The following KRT83 variants were observed in gnomAD, a reference collection of about 807,000 sequenced individuals.
The protein encoded by KRT83 is keratin 83, also known as keratin, type II cuticular Hb3.
In KRT83, 51 loss-of-function variants were observed where a neutral mutation model predicts 52.9. That is an observed-to-expected ratio of 0.96 (90% CI 0.77 to 1.22). The LOEUF is 1.22. Ranked by LOEUF, KRT83 falls within the 50% of genes most tolerant of loss-of-function variation. The probability of loss-of-function intolerance (pLI) is 0.00; values close to 1 mark genes in which losing one functional copy is unlikely to be tolerated. For missense variants in KRT83, 654 were observed against 666.5 expected (o/e 0.98, Z 0.21); for synonymous variants, 278 against 274.1 (o/e 1.01, Z -0.14).
At chr12:52,314,994 G>T (rs1181168460) in intron 8 of KRT83, among the ~76,000 whole-genome samples, 176 bp from the exon 9 acceptor site, 2 of 152,176 alleles carry the variant, frequency 1.3e-5, no homozygotes, top group East Asian at 3.9e-4. Flanking sequence ...TCTGGTCCTG[G>T]TTCTGCTTTG....
At position 52,321,037 on chromosome 12, in the gene KRT83, A is replaced by G. The variant is rs1236934866; in HGVS notation, c.299T>C (p.Ile100Thr). ...CTTCACGCACTGCGCGTTGGGGTCT[A>G]TCTCCAGGTTGAGGGGCGTGAGGAG... Reference protein sequence around the residue: ...ESLLTPLNLEIDPNAQCVKQE... With the variant: ...ESLLTPLNLETDPNAQCVKQE... Residue 100 changes from isoleucine (I) to threonine (T), a missense_variant, in exon 1 of 9, where the codon ATA becomes ACA. Transcript: ENST00000293670. The G allele has an allele frequency of 1.3e-5, 21 of 1,612,814 alleles. No individual in the cohort carries two copies. Among genetic ancestry groups the G allele is most frequent in the Non-Finnish European group, 5.1e-6 (6 of 1,179,868 alleles).
At position 52,319,363 on chromosome 12, in the gene KRT83, AC is replaced by A; in HGVS notation, c.385del (p.Val129CysfsTer75). The part of the protein sequence containing the change: ...NSRFAAFIDK[V>X]RFLEQQNKLL... ...CTTGTTCTGCTGCTCCAGGAAGCGC[AC>A]CTGCCACCCAGAGGCAGAGCCTAAG... On this transcript the variant is annotated frameshift_variant and splice_region_variant, in exon 2 of 9. Transcript: ENST00000293670. LOFTEE classifies it high-confidence loss of function. 6.2e-7 allele frequency: 1 copy of A among 1,614,010 alleles called. No homozygotes were observed. The highest frequency in any genetic ancestry group is 8.5e-7 in the Non-Finnish European group (1 of 1,179,896).
chr12:52,314,597 C>T lies in KRT83; in HGVS notation c.*34G>A. On this transcript the variant is annotated 3_prime_UTR_variant, in exon 9 of 9. Transcript: ENST00000293670. The stretch of plus-strand genomic sequence containing the variant: ...GTGGGGCAGTGGCACGTCTGGCAGG[C>T]AGAAGGGGCTCCCCTGGCTCTCTTT... 6.5e-7 allele frequency: 1 copy of T among 1,544,772 alleles called. No individual in the cohort carries two copies. The highest frequency in any genetic ancestry group is 8.8e-7 in the Non-Finnish European group (1 of 1,141,848).
Position 52,319,196 on chromosome 12 carries a change from G to A in KRT83, c.553C>T (p.Leu185Phe). Residue 185 changes from leucine to phenylalanine, a missense_variant, in exon 2 of 9, where the codon CTC becomes TTC. By Grantham distance (22) the Leu-to-Phe change is conservative (BLOSUM62 0). Coordinates refer to ENST00000293670, the MANE Select transcript of KRT83 (RefSeq NM_002282.3). ...EADSGRLASE[L>F]NHVQEVLEGY... ...TCCAGCACCTCCTGCACGTGGTTGAGCTCTGAGGCCAGCCTCCCACTGTCA... is the reference window on the plus strand; with the variant it reads ...TCCAGCACCTCCTGCACGTGGTTGAACTCTGAGGCCAGCCTCCCACTGTCA... 1 of 1,613,598 alleles carries A rather than the reference G, an allele frequency of 6.2e-7. No individual in the cohort carries two copies. Among genetic ancestry groups the A allele is most frequent in the African/African-American group, 1.3e-5 (1 of 75,032 alleles).
Position 52,315,393 on chromosome 12 carries a change from G to T in KRT83, c.1263-50C>A, listed in dbSNP as rs760786648. ...GGGAAGATAAAAGAAGTCAGAATGA[G>T]GTCATCGAATTTCCGCTAGGTGCTG... On this transcript the variant is annotated intron_variant, in intron 7 of 8. Transcript: ENST00000293670. 3.4e-5 allele frequency: 54 copies of T among 1,589,396 alleles called. 2 individuals carry two copies. The Middle Eastern group carries it at 5.0e-4, about 15-fold the overall frequency.
chr12:52,317,585 A>T, intron 4 of KRT83, 96 bp downstream of exon 4: 1 of 1,366,758 alleles, frequency 7.3e-7, no homozygotes, highest in Non-Finnish European at 1.0e-6. Flanking sequence ...CTGGGTTCAT[A>T]TGTCAGCAGG....
Position 52,321,156 on chromosome 12 carries a change from G to C in KRT83, c.180C>G (p.Arg60=), listed in dbSNP as rs747770852. ...CGAAGCTGCGTCCGCAGGAGCCGGC[G>C]CGGAAGCCCCCGCACACGCTGTGGC... ...FGSHSVCGGF[R]AGSCGRSFGY... Residue 60 remains arginine (R), a synonymous_variant, in exon 1 of 9, where the codon CGC becomes CGG. Transcript: ENST00000293670. 3.1e-6 allele frequency: 5 copies of C among 1,612,272 alleles called. No homozygotes were observed. In the African/African-American group the frequency reaches 4.0e-5, roughly 13 times the overall value.
chr12:52,318,067 G>T, intron 2 of KRT83, 97 bp from the exon 3 acceptor site: 2 of 1,120,942 alleles, frequency 1.8e-6, no homozygotes, highest in Non-Finnish European at 2.7e-6. Flanking sequence ...ACCTCCCCCT[G>T]CTTGTCTCCT....
At chr12:52,318,721 T>C (rs1010405161) in intron 2 of KRT83, among the ~76,000 whole-genome samples, 1 of 152,224 alleles carries the variant, frequency 6.6e-6, no homozygotes, top group Admixed American at 6.5e-5. Context: ...GGCTCTGTCA[T>C]GACTGCCTTC....
chr12:52,319,086 A>C (rs1592448121), intron 2 of KRT83, 70 bp downstream of exon 2: 4 of 1,607,086 alleles, frequency 2.5e-6, no homozygotes, highest in Non-Finnish European at 3.4e-6. Flanking sequence ...CAGACTGGAT[A>C]CTCCTCCGGG....
At chr12:52,316,720 C>T in intron 5 of KRT83, 127 bp from the exon 6 acceptor site, 2 of 1,591,042 alleles carry the variant, frequency 1.3e-6, no homozygotes, top group Non-Finnish European at 1.7e-6. Flanking sequence ...CCTGCCCTGC[C>T]ACCCCAACAT....
In KRT83 at chr12:52,314,378, C is replaced by G; in HGVS notation, c.*253G>C. The G allele has an allele frequency of 1.7e-6, 1 of 573,646 alleles. No individual in the cohort carries two copies. Among genetic ancestry groups the G allele is most frequent in the Non-Finnish European group, 3.1e-6 (1 of 318,104 alleles). 35.5% of individuals were successfully genotyped at this position (573,646 alleles called of 1,614,324 possible). A position where few individuals can be genotyped will look rare whatever the true frequency, so the allele number is the denominator to read the frequency against. On this transcript the variant is annotated 3_prime_UTR_variant, in exon 9 of 9. Transcript: ENST00000293670. ...GGGAACAGTCTCACAGTGCTTCTTC[C>G]AGGGAAGCAAGGCCCTTCTCCCCGG...
chr12:52,314,876 C>T (rs1938663354), intron 8 of KRT83, 58 bp from the exon 9 acceptor site: 2 of 1,493,650 alleles, frequency 1.3e-6, no homozygotes, highest in South Asian at 2.4e-5. Context: ...CATCCAGCCA[C>T]CTTCCTTTGG....
chr12:52,321,392 G>C lies in KRT83; in HGVS notation c.-57C>G. Reference sequence around the variant, plus strand: ...GTAGATGGCAGAGGATGGAACCAAGGGCCTGTGCTCCCTGGCTGATGGCAG... The same window carrying C: ...GTAGATGGCAGAGGATGGAACCAAGCGCCTGTGCTCCCTGGCTGATGGCAG... On this transcript the variant is annotated 5_prime_UTR_variant, in exon 1 of 9. Transcript: ENST00000293670. 2 of 1,610,340 alleles carry C rather than the reference G, an allele frequency of 1.2e-6. No homozygotes were observed. Among genetic ancestry groups the C allele is most frequent in the Non-Finnish European group, 1.7e-6 (2 of 1,177,238 alleles).
At chr12:52,315,583 G>A (rs1033646087) in intron 7 of KRT83, among the ~76,000 whole-genome samples, 2 of 152,182 alleles carry the variant, frequency 1.3e-5, no homozygotes, top group African/African-American at 2.4e-5. Flanking sequence ...ATTTGCCTTT[G>A]TGCAGTGAAC....
At chr12:52,316,638 CAT>C in intron 5 of KRT83, 45 bp from the exon 6 acceptor site, 1 of 1,614,094 alleles carries the variant, frequency 6.2e-7, no homozygotes, top group South Asian at 1.1e-5. Context: ...TGAGACATCC[CAT>C]TCATTCAGGA....
intron 1 of KRT83, among the ~76,000 whole-genome samples, chr12:52,319,939 T>G (rs776229788): frequency 6.6e-6 from 1 of 152,122 alleles, no homozygotes; most frequent in African/African-American, 2.4e-5. Flanking sequence ...CCAAGGAGGT[T>G]CCCTGACTGC....
In KRT83 at chr12:52,317,035, G is replaced by T; in HGVS notation, c.751-12C>A. 6.2e-7 allele frequency: 1 copy of T among 1,614,154 alleles called. No individual in the cohort carries two copies. Among genetic ancestry groups the T allele is most frequent in the South Asian group, 1.1e-5 (1 of 91,064 alleles). On this transcript the variant is annotated splice_polypyrimidine_tract_variant and intron_variant, in intron 4 of 8. Transcript: ENST00000293670. ...AGAATGCGGATCTCCTGCAGGAGGT[G>T]GGGAAAGGAAGGACAACTCACTTAT...
In KRT83 at chr12:52,321,397, G is replaced by A; in HGVS notation, c.-62C>T. 1 of 1,607,770 alleles carries A rather than the reference G, an allele frequency of 6.2e-7. No individual in the cohort carries two copies. Among genetic ancestry groups the A allele is most frequent in the Non-Finnish European group, 8.5e-7 (1 of 1,174,962 alleles). ...TGGCAGAGGATGGAACCAAGGGCCT[G>A]TGCTCCCTGGCTGATGGCAGGCCCT... is the stretch of plus-strand genomic sequence containing the variant. On this transcript the variant is annotated 5_prime_UTR_variant, in exon 1 of 9. Transcript: ENST00000293670.
Sources: allele counts gnomAD v4.1 joint callset (sites outside exome capture counted in the v4.1 genomes callset), GRCh38; gene constraint gnomAD v4.1.1; transcripts MANE v1.5; gene names NCBI Gene and HGNC (gene_info 2026-07-23, HGNC 2026-07-21).